Variants in TOP1 observed in about 807,000 individuals in gnomAD.
TOP1 encodes DNA topoisomerase 1.
A neutral mutation model predicts 111.1 loss-of-function variants in TOP1; 10 were observed. The observed-to-expected ratio is 0.09, with a 90% CI of 0.06 to 0.15. The LOEUF is 0.15. TOP1 is among the 10% of genes least tolerant of loss of function. TOP1 has a pLI of 1.00. For synonymous variants in TOP1, 271 were observed against 302.9 expected (o/e 0.89, Z 1.10); for missense variants, 474 against 926.7 (o/e 0.51, Z 6.34).
chr20:41,104,850 G>GTGC (rs1322536587), intron 13 of TOP1, among the ~76,000 whole-genome samples: 13 of 152,216 alleles, frequency 8.5e-5, no homozygotes, highest in Non-Finnish European at 1.8e-4. Context: ...GGGTTTGATA[G>GTGC]TGCCTTGAAT....
rs755200908 is a variant in TOP1, at chr20:41,100,388, A to G, written c.1163+145A>G. The stretch of plus-strand genomic sequence containing the variant: ...CAGTATTTCATGCGTAGGTCTCCAG[A>G]TGTTTTTGAGGTACAGTTGTCTCCC... On this transcript the variant is annotated intron_variant, in intron 12 of 20. Coordinates refer to ENST00000361337, the MANE Select transcript of TOP1 (RefSeq NM_003286.4). This position sits in a 1 kb window ranked among gnomAD's most constrained non-coding sequence, Gnocchi z 4.4. The G allele has an allele frequency of 1.6e-4, 101 of 620,446 alleles. 1 individual carries two copies. The highest frequency in any genetic ancestry group is 2.4e-4 in the Non-Finnish European group (92 of 379,858). 38.4% of individuals were successfully genotyped at this position (620,446 alleles called of 1,614,324 possible).
chr20:41,112,060 C>G lies in TOP1; in HGVS notation c.1309-722C>G, dbSNP rs2034251444. ...AGCTCTTATTTTTTTAAAGGCTTCCCAGAAACATAGTTTCTCTCAATCTCA... is the reference window on the plus strand; with the variant it reads ...AGCTCTTATTTTTTTAAAGGCTTCCGAGAAACATAGTTTCTCTCAATCTCA... On this transcript the variant is annotated intron_variant, in intron 13 of 20. Transcript: ENST00000361337. This position sits in a 1 kb window ranked among gnomAD's most constrained non-coding sequence, Gnocchi z 5.8. Among the ~76,000 whole-genome samples, 1 of 152,114 alleles carries G rather than the reference C, an allele frequency of 6.6e-6. No individual in the cohort carries two copies. The highest frequency in any genetic ancestry group is 2.1e-4 in the South Asian group (1 of 4,818).
chr20:41,088,117 T>C (rs1299265326), intron 8 of TOP1, among the ~76,000 whole-genome samples: 1 of 152,194 alleles, frequency 6.6e-6, no homozygotes, highest in African/African-American at 2.4e-5. Context: ...ATCTCTTAAT[T>C]TGCTTAAATG....
chr20:41,064,587 A>G (rs541772914), intron 3 of TOP1, among the ~76,000 whole-genome samples: 2 of 152,296 alleles, frequency 1.3e-5, no homozygotes, highest in Admixed American at 6.5e-5. Flanking sequence ...TTCCTTAAAC[A>G]TAGCATGTTT....
intron 8 of TOP1, 145 bp downstream of exon 8, chr20:41,084,713 G>A: frequency 3.6e-6 from 2 of 556,290 alleles, no homozygotes; most frequent in South Asian, 2.5e-5. Flanking sequence ...TCTGAAGTAA[G>A]TTTTCCAACT....
chr20:41,029,523 G>C lies in TOP1; in HGVS notation c.58+68G>C. ...CGGCCGCCTCCCCCGCGCCCTGCCG[G>C]TGCCGGGCAGAGGACAGACATGGCG... On this transcript the variant is annotated intron_variant, in intron 2 of 20. Coordinates refer to ENST00000361337, the MANE Select transcript of TOP1 (RefSeq NM_003286.4). The surrounding 1 kb of genome is among the most constrained non-coding windows in gnomAD (Gnocchi z 6.1). 7.7e-7 allele frequency: 1 copy of C among 1,303,774 alleles called. No homozygotes were observed. The highest frequency in any genetic ancestry group is 1.1e-6 in the Non-Finnish European group (1 of 925,022). The allele number at this position is 1,303,774 out of a possible 1,614,324, so 80.8% of individuals were successfully genotyped here. A position where few individuals can be genotyped will look rare whatever the true frequency, so the allele number is the denominator to read the frequency against.
At chr20:41,099,094 C>T (rs1265476448) in intron 11 of TOP1, among the ~76,000 whole-genome samples, 1 of 152,172 alleles carries the variant, frequency 6.6e-6, no homozygotes, top group Non-Finnish European at 1.5e-5. Flanking sequence ...ATTCTTTGCA[C>T]TTCAAATTCC....
chr20:41,050,450 A>T (rs1455475993), intron 2 of TOP1, among the ~76,000 whole-genome samples: 2 of 152,210 alleles, frequency 1.3e-5, no homozygotes, highest in Non-Finnish European at 2.9e-5. Flanking sequence ...AAAGGCTGTT[A>T]ACTATGCCCT....
Position 41,110,565 on chromosome 20 carries a change from AC to A in TOP1, c.1309-2214del, listed in dbSNP as rs562187354. On this transcript the variant is annotated intron_variant, in intron 13 of 20. Coordinates refer to ENST00000361337, the MANE Select transcript of TOP1 (RefSeq NM_003286.4). The surrounding 1 kb of genome is among the most constrained non-coding windows in gnomAD (Gnocchi z 4.2). ...AATCTTGAATCCAGATCCTGATTCC[AC>A]CCAACCACTCTGCTGAATGGATAGC... Among the ~76,000 whole-genome samples, 401 of 152,350 alleles carry A rather than the reference AC, an allele frequency of 2.6e-3. 3 individuals are homozygous for A. Among genetic ancestry groups the A allele is most frequent in the African/African-American group, 9.3e-3 (385 of 41,570 alleles).
rs201206832 is a variant in TOP1, at chr20:41,100,103, T to C, written c.1023T>C (p.Cys341=). 4 of 1,613,828 alleles carry C rather than the reference T, an allele frequency of 2.5e-6. No individual in the cohort carries two copies. The East Asian group carries it at 8.9e-5, about 36-fold the overall frequency. ...NEKLLKEYGF[C]IMDNHKERIA... is the part of the protein sequence containing the mutation. ...AATTACTGAAAGAATATGGATTCTG[T>C]ATTATGGATAACCACAAAGAGAGGA... The change falls in exon 12 of 21, where the codon TGT becomes TGC. Residue 341 remains cysteine, a synonymous_variant. Transcript: ENST00000361337. The surrounding 1 kb of genome is among the most constrained non-coding windows in gnomAD (Gnocchi z 4.4).
chr20:41,088,195 T>C (rs2033870608), intron 8 of TOP1, among the ~76,000 whole-genome samples: 1 of 151,906 alleles, frequency 6.6e-6, no homozygotes, highest in Admixed American at 6.6e-5. Context: ...CAGTTTGGAG[T>C]CTTGATTTAA....
Position 41,076,224 on chromosome 20 carries a change from A to G in TOP1, c.209A>G (p.Lys70Arg). The change falls in exon 4 of 21, where the codon AAA becomes AGA. Residue 70 changes from lysine (K) to arginine (R), a missense_variant. Transcript: ENST00000361337. ...KHKEKEKTKH[K>R]DGSSEKHKDK... ...AAAGAGAAGGAGAAGACCAAACACA[A>G]AGATGGAAGCTCAGAAAAGCATAAA... The G allele has an allele frequency of 4.4e-6, 7 of 1,601,328 alleles. No individual in the cohort carries two copies. Among genetic ancestry groups the G allele is most frequent in the Non-Finnish European group, 6.0e-6 (7 of 1,168,620 alleles).
rs1408893747 is a variant in TOP1, at chr20:41,118,613, AAG to A, written c.1950+322_1950+323del. Among the ~76,000 whole-genome samples, 2 of 152,254 alleles carry A rather than the reference AAG, an allele frequency of 1.3e-5. No homozygotes were observed. Among genetic ancestry groups the A allele is most frequent in the Non-Finnish European group, 2.9e-5 (2 of 68,046 alleles). ...ATTGTACATGAGGAAAGTGGATTTAAAGAGAGTCTTCATAATTCCTTGCTACA... is the reference window on the plus strand; with the variant it reads ...ATTGTACATGAGGAAAGTGGATTTAAAGAGTCTTCATAATTCCTTGCTACA... On this transcript the variant is annotated intron_variant, in intron 18 of 20. Transcript: ENST00000361337. This position sits in a 1 kb window ranked among gnomAD's most constrained non-coding sequence, Gnocchi z 4.6.
chr20:41,079,358 C>G lies in TOP1; in HGVS notation c.336-727C>G, dbSNP rs1234496644. On this transcript the variant is annotated intron_variant, in intron 5 of 20. Transcript: ENST00000361337. The surrounding 1 kb of genome is among the most constrained non-coding windows in gnomAD (Gnocchi z 4.0). ...GGCTCTATGGTGTTTTTTACTTGTT[C>G]CTTCTCTGTTTTGGTTCAAGATGTT... Among the ~76,000 whole-genome samples the G allele has an allele frequency of 2.6e-5, 4 of 152,044 alleles. No individual in the cohort carries two copies. Among genetic ancestry groups the G allele is most frequent in the Non-Finnish European group, 4.4e-5 (3 of 67,970 alleles).
Position 41,069,794 on chromosome 20 carries a change from C to T in TOP1, c.156-6377C>T, listed in dbSNP as rs966032232. On this transcript the variant is annotated intron_variant, in intron 3 of 20. Transcript: ENST00000361337. The surrounding 1 kb of genome is among the most constrained non-coding windows in gnomAD (Gnocchi z 4.1). ...TATTATATTTATCCCTATCATAGTACGCCATAATCATTGTTTTTAAGATTT... is the reference window on the plus strand; with the variant it reads ...TATTATATTTATCCCTATCATAGTATGCCATAATCATTGTTTTTAAGATTT... 2.6e-5 allele frequency among the ~76,000 whole-genome samples: 4 copies of T among 152,094 alleles called. No homozygotes were observed. Among genetic ancestry groups the T allele is most frequent in the Non-Finnish European group, 4.4e-5 (3 of 68,018 alleles).
At chr20:41,111,654 G>A (rs2034244112) in intron 13 of TOP1, among the ~76,000 whole-genome samples, 2 of 140,772 alleles carry the variant, frequency 1.4e-5, no homozygotes, top group Middle Eastern at 8.7e-3. Context: ...TGAAAGGCTG[G>A]TTATCTTCAC....
At position 41,112,316 on chromosome 20, in the gene TOP1, G is replaced by A. The variant is rs950399346; in HGVS notation, c.1309-466G>A. Among the ~76,000 whole-genome samples, 1 of 152,222 alleles carries A rather than the reference G, an allele frequency of 6.6e-6. No individual in the cohort carries two copies. The highest frequency in any genetic ancestry group is 2.4e-5 in the African/African-American group (1 of 41,456). The stretch of plus-strand genomic sequence containing the variant: ...CAGCAAGGCTGTGAAATTGATGTGG[G>A]AATGGGGGTGATTATGTGCTTTGTG... On this transcript the variant is annotated intron_variant, in intron 13 of 20. Transcript: ENST00000361337. This position sits in a 1 kb window ranked among gnomAD's most constrained non-coding sequence, Gnocchi z 5.8.
Position 41,030,707 on chromosome 20 carries a change from C to T in TOP1, c.58+1252C>T, listed in dbSNP as rs1008997727. Among the ~76,000 whole-genome samples the T allele has an allele frequency of 3.3e-5, 5 of 152,080 alleles. No homozygotes were observed. The highest frequency in any genetic ancestry group is 7.3e-5 in the Non-Finnish European group (5 of 68,034). ...ATCCTGCTCAATTGAGTTTGGGTTC[C>T]GGGAACCTCTCCAATGGGAGAAGTT... On this transcript the variant is annotated intron_variant, in intron 2 of 20. Coordinates refer to ENST00000361337, the MANE Select transcript of TOP1 (RefSeq NM_003286.4). The surrounding 1 kb of genome is among the most constrained non-coding windows in gnomAD (Gnocchi z 4.1).
chr20:41,092,824 G>A lies in TOP1; in HGVS notation c.730+237G>A, dbSNP rs2033935980. ...GTCTTCCCTACATAGTCCAAAAAAG[G>A]TTTGTCAACATGGCTAACAGTGTGT... On this transcript the variant is annotated intron_variant, in intron 9 of 20. Coordinates refer to ENST00000361337, the MANE Select transcript of TOP1 (RefSeq NM_003286.4). The surrounding 1 kb of genome is among the most constrained non-coding windows in gnomAD (Gnocchi z 4.3). Among the ~76,000 whole-genome samples the A allele has an allele frequency of 6.6e-6, 1 of 152,206 alleles. No individual in the cohort carries two copies. The highest frequency in any genetic ancestry group is 1.9e-4 in the East Asian group (1 of 5,202).
Sources: gnomAD v4.1 joint callset for allele counts (sites outside exome capture counted in the v4.1 genomes callset) on GRCh38, gnomAD v4.1.1 for gene constraint, Gnocchi (gnomAD v3.1) non-coding constraint, MANE v1.5 for transcripts, NCBI Gene and HGNC (gene_info 2026-07-23, HGNC 2026-07-21) for gene names.